The following FMN2 variants were observed in gnomAD, a reference collection of about 807,000 sequenced individuals.
The protein encoded by FMN2 is formin 2, also known as formin-2.
In FMN2, 51 loss-of-function variants were observed where a neutral mutation model predicts 142.3. The observed-to-expected ratio is 0.36, with a 90% CI of 0.29 to 0.45. FMN2 has a LOEUF of 0.45. FMN2 is among the 20% of genes least tolerant of loss of function. FMN2 has a pLI of 1.00. For synonymous variants in FMN2, 882 were observed against 869.8 expected (o/e 1.01, Z -0.25); for missense variants, 1,936 against 2,122.8 (o/e 0.91, Z 1.73).
chr1:240,212,357 A>G (rs1666723877), intron 6 of FMN2, among the ~76,000 whole-genome samples: 1 of 152,208 alleles, frequency 6.6e-6, no homozygotes, highest in Admixed American at 6.5e-5. Flanking sequence ...CACCCCAGGC[A>G]TTTTATTAAT....
At chr1:240,419,376 T>TC (rs1674688896) in intron 15 of FMN2, among the ~76,000 whole-genome samples, 1 of 152,128 alleles carries the variant, frequency 6.6e-6, no homozygotes, top group Non-Finnish European at 1.5e-5. Context: ...TCATAGCACC[T>TC]CCACAATTTT....
chr1:240,184,436 G>A (rs565985921), intron 3 of FMN2, among the ~76,000 whole-genome samples: 1 of 149,832 alleles, frequency 6.7e-6, no homozygotes, highest in African/African-American at 2.4e-5. Context: ...GGGTTTCACC[G>A]TATTGGCCTG....
At chr1:240,120,359 G>A (rs1306977690) in intron 1 of FMN2, among the ~76,000 whole-genome samples, 3 of 152,114 alleles carry the variant, frequency 2.0e-5, no homozygotes, top group Non-Finnish European at 2.9e-5. Flanking sequence ...AAAAATATGC[G>A]ACAGAGACCT....
chr1:240,433,822 A>G (rs1007636635), intron 15 of FMN2, among the ~76,000 whole-genome samples: 2 of 151,952 alleles, frequency 1.3e-5, no homozygotes, highest in African/African-American at 4.8e-5. Context: ...TGTCGTGAGG[A>G]GTTTGTCCTT....
intron 14 of FMN2, among the ~76,000 whole-genome samples, chr1:240,380,737 C>T (rs1673197365): frequency 6.9e-6 from 1 of 144,382 alleles, no homozygotes; most frequent in Non-Finnish European, 1.5e-5. Flanking sequence ...AAAGAAATGG[C>T]AAAGATCAGA....
chr1:240,207,656 A>T lies in FMN2; in HGVS notation c.2844A>T (p.Leu948=), dbSNP rs142725738. The change falls in exon 5 of 18, where the codon CTA becomes CTT. Residue 948 remains leucine, a synonymous_variant. Coordinates refer to ENST00000319653, the MANE Select transcript of FMN2 (RefSeq NM_020066.5). The part of the protein sequence containing the change: ...PGAGIPPPPP[L]PGAAIPPPPP... ...CGGGAATACCTCCTCCGCCCCCTCT[A>T]CCCGGAGCGGCAATACCCCCTCCGC... 0.017 allele frequency: 20,454 copies of T among 1,218,270 alleles called. 1,770 individuals carry two copies. The highest frequency in any genetic ancestry group is 0.03 in the African/African-American group (1,013 of 33,680). The allele number at this position is 1,218,270 out of a possible 1,614,324, so 75.5% of individuals were successfully genotyped here. A position where few individuals can be genotyped will look rare whatever the true frequency, so the allele number is the denominator to read the frequency against.
At chr1:240,365,735 G>C (rs1250647160) in intron 14 of FMN2, among the ~76,000 whole-genome samples, 1 of 152,196 alleles carries the variant, frequency 6.6e-6, no homozygotes. Flanking sequence ...TCATAACTTT[G>C]TCTTATGTGT....
chr1:240,162,060 A>G (rs1167618756), intron 2 of FMN2, among the ~76,000 whole-genome samples: 5 of 151,568 alleles, frequency 3.3e-5, no homozygotes, highest in Non-Finnish European at 7.4e-5. Context: ...TGAGCTCAGG[A>G]GGTTGAGGCT....
At chr1:240,348,177 C>A (rs1040901794) in intron 13 of FMN2, among the ~76,000 whole-genome samples, 1 of 151,302 alleles carries the variant, frequency 6.6e-6, no homozygotes, top group Non-Finnish European at 1.5e-5. Context: ...AATGTATAAG[C>A]ATTTCATTTC....
Position 240,092,480 on chromosome 1 carries a change from C to T in FMN2, c.371C>T (p.Ser124Leu), listed in dbSNP as rs1283481751. The T allele has an allele frequency of 1.2e-6, 2 of 1,608,110 alleles. No individual in the cohort carries two copies. The highest frequency in any genetic ancestry group is 1.7e-6 in the Non-Finnish European group (2 of 1,177,326). The change falls in exon 1 of 18, where the codon TCG (serine) becomes TTG (leucine). Residue 124 changes from serine (S) to leucine (L), a missense_variant. By Grantham distance (145) the Ser-to-Leu change is moderately radical. This residue lies in a region of FMN2 where 751 missense variants were observed against 791.8 expected (regional missense o/e 0.95). Coordinates refer to ENST00000319653, the MANE Select transcript of FMN2 (RefSeq NM_020066.5). ...LLTKTPDLSL[S>L]ADEAGLSDTE... is the part of the protein sequence containing the mutation. ...ACCAAGACTCCAGACCTCAGCCTCTCGGCGGACGAGGCCGGCCTGTCGGAT... is the reference window on the plus strand; with the variant it reads ...ACCAAGACTCCAGACCTCAGCCTCTTGGCGGACGAGGCCGGCCTGTCGGAT...
Position 240,093,202 on chromosome 1 carries a change from G to C in FMN2, c.1093G>C (p.Glu365Gln). The change falls in exon 1 of 18, where the codon GAG becomes CAG. Residue 365 changes from glutamate (E) to glutamine (Q), a missense_variant. Around this residue, in one of 8 missense-constraint regions of FMN2, gnomAD observed 751 missense variants for 791.8 expected, o/e 0.95. Transcript: ENST00000319653. The stretch of plus-strand genomic sequence containing the variant: ...TGCGCCCCGGGGCTCTCCGGGGGAG[G>C]AGTGGGCCCCGGAGGTGGGAGAGGA... ...EDAPRGSPGEEWAPEVGEDAP... is the reference protein window; with the variant it reads ...EDAPRGSPGEQWAPEVGEDAP... 1 of 1,493,040 alleles carries C rather than the reference G, an allele frequency of 6.7e-7. No individual in the cohort carries two copies. 92.5% of individuals were successfully genotyped at this position (1,493,040 alleles called of 1,614,324 possible). A position where few individuals can be genotyped will look rare whatever the true frequency, so the allele number is the denominator to read the frequency against.
At chr1:240,312,952 T>C (rs1670645592) in intron 8 of FMN2, among the ~76,000 whole-genome samples, 1 of 152,242 alleles carries the variant, frequency 6.6e-6, no homozygotes, top group Non-Finnish European at 1.5e-5. Flanking sequence ...GAGATTATTT[T>C]TAGAACTCCC....
At chr1:240,129,840 C>T (rs1396600819) in intron 2 of FMN2, among the ~76,000 whole-genome samples, 2 of 152,140 alleles carry the variant, frequency 1.3e-5, no homozygotes, top group African/African-American at 4.8e-5. Context: ...GGCGGTCATG[C>T]ATGAGGATTT....
chr1:240,265,424 A>G (rs193180738), intron 7 of FMN2, among the ~76,000 whole-genome samples: 1 of 152,150 alleles, frequency 6.6e-6, no homozygotes, highest in Admixed American at 6.6e-5. Flanking sequence ...ATAACATTAT[A>G]ATGGGGTTGA....
intron 6 of FMN2, among the ~76,000 whole-genome samples, chr1:240,238,659 A>C (rs1427984032): frequency 1.3e-5 from 2 of 152,212 alleles, no homozygotes; most frequent in African/African-American, 2.4e-5. Context: ...CTAGAGTTAC[A>C]AACAAGTACA....
rs869026471 is a variant in FMN2 at position 240,290,780 on chromosome 1, G to GTTTTTTTTTTTT, written c.4154-4041_4154-4030dup. 2.8e-4 allele frequency among the ~76,000 whole-genome samples: 28 copies of GTTTTTTTTTTTT among 100,202 alleles called. 4 individuals carry two copies. Among genetic ancestry groups the GTTTTTTTTTTTT allele is most frequent in the Admixed American group, 4.7e-4 (4 of 8,540 alleles). 65.7% of individuals were successfully genotyped at this position (100,202 alleles called of 152,430 possible). A position where few individuals can be genotyped will look rare whatever the true frequency, so the allele number is the denominator to read the frequency against. On this transcript the variant is annotated intron_variant, in intron 7 of 17. Coordinates refer to ENST00000319653, the MANE Select transcript of FMN2 (RefSeq NM_020066.5). ...GTCTGGAGTGATGTCTGTTTGTTTG[G>GTTTTTTTTTTTT]TTTTTTTTTTTTGTTTTTTTTTTTT...
At chr1:240,389,088 A>G (rs922580090) in intron 14 of FMN2, among the ~76,000 whole-genome samples, 4 of 152,190 alleles carry the variant, frequency 2.6e-5, no homozygotes, top group Non-Finnish European at 5.9e-5. Context: ...TCTACTCTAA[A>G]GAGTTGGGAA....
intron 3 of FMN2, among the ~76,000 whole-genome samples, chr1:240,181,351 G>C (rs61830692): frequency 0.081 from 12,294 of 152,182 alleles, 557 homozygotes; most frequent in African/African-American, 0.12. Context: ...TGTCCAGCTA[G>C]TTCAGATTTG....
intron 15 of FMN2, among the ~76,000 whole-genome samples, chr1:240,433,031 G>A (rs1387503274): frequency 6.6e-6 from 1 of 152,090 alleles, no homozygotes; most frequent in African/African-American, 2.4e-5. Context: ...TTTTAATCTA[G>A]TTCTCTTGAC....
Sources: allele counts gnomAD v4.1 joint callset (sites outside exome capture counted in the v4.1 genomes callset), GRCh38; gene constraint gnomAD v4.1.1; regional missense constraint gnomAD v4.1.1; transcripts MANE v1.5; gene names NCBI Gene and HGNC (gene_info 2026-07-23, HGNC 2026-07-21).